SNTG1: variants seen among roughly 807,000 people sequenced by gnomAD.
SNTG1 encodes the protein syntrophin gamma 1.
In SNTG1, 39 loss-of-function variants were observed where a neutral mutation model predicts 74.7. The ratio of observed to expected loss-of-function variants is 0.52; its 90% CI spans 0.40 to 0.68. The LOEUF is 0.68. SNTG1 is among the 30% of genes least tolerant of loss of function. SNTG1 has a pLI of 0.00. For synonymous variants in SNTG1, 254 were observed against 217.1 expected, an observed-to-expected ratio of 1.17 and a Z score of -1.49; for missense variants, 685 against 609.5, an observed-to-expected ratio of 1.12 and a Z score of -1.30.
intron 1 of SNTG1, among the ~76,000 whole-genome samples, chr8:50,059,285 T>C (rs916920990): frequency 1.3e-5 from 2 of 152,136 alleles, no homozygotes; most frequent in South Asian, 2.1e-4. Flanking sequence ...CCAGATTGCA[T>C]AGCAGTTGCA....
intron 8 of SNTG1, among the ~76,000 whole-genome samples, chr8:50,487,699 G>C (rs535656017): frequency 8.9e-5 from 12 of 135,486 alleles, no homozygotes; most frequent in Middle Eastern, 4.5e-3. Context: ...GGGTCGGAGG[G>C]GGGGGAGGGA....
At chr8:49,961,442 C>T (rs1447570470) in intron 1 of SNTG1, among the ~76,000 whole-genome samples, 1 of 152,190 alleles carries the variant, frequency 6.6e-6, no homozygotes, top group South Asian at 2.1e-4. Context: ...GTTGGAGCCA[C>T]TTGCTATTCC....
intron 17 of SNTG1, among the ~76,000 whole-genome samples, chr8:50,725,117 T>C (rs2095496907): frequency 1.3e-5 from 2 of 152,174 alleles, no homozygotes; most frequent in South Asian, 2.1e-4. Context: ...TAAAAAGTTA[T>C]GCATAAAGAA....
chr8:49,935,227 G>GTT (rs1807953560), intron 1 of SNTG1, among the ~76,000 whole-genome samples: 1 of 150,636 alleles, frequency 6.6e-6, no homozygotes, highest in African/African-American at 2.4e-5. Context: ...GTGTGTGTGT[G>GTT]TGTGTGTGTG....
At chr8:50,267,347 G>A (rs1472910851) in intron 2 of SNTG1, among the ~76,000 whole-genome samples, 1 of 152,128 alleles carries the variant, frequency 6.6e-6, no homozygotes. Context: ...ATAAGTGGGT[G>A]AAGCATTTGA....
In SNTG1 at chr8:50,129,648, A is replaced by C. The variant is rs2081256414; in HGVS notation, c.-102-42913A>C. On this transcript the variant is annotated intron_variant, in intron 1 of 18. Coordinates refer to ENST00000642720, the MANE Select transcript of SNTG1 (RefSeq NM_018967.5). ...GAAACTTCTCCCAATTGTGTTATGG[A>C]GAAACCATCCTCATATCACACATTA... 3.3e-5 allele frequency among the ~76,000 whole-genome samples: 5 copies of C among 152,244 alleles called. No individual in the cohort carries two copies. In the South Asian group the frequency reaches 1.0e-3, roughly 32 times the overall value.
Position 50,519,372 on chromosome 8 carries a change from C to G in SNTG1, c.467-10805C>G, listed in dbSNP as rs181213493. 1.5e-3 allele frequency among the ~76,000 whole-genome samples: 234 copies of G among 152,278 alleles called. 1 individual carries two copies. Among genetic ancestry groups the G allele is most frequent in the African/African-American group, 5.4e-3 (225 of 41,542 alleles). ...ATACTGAATGGGCAAAAGCTGGAAG[C>G]ATTCCCTTTGAAAACCAGCACAAGA... On this transcript the variant is annotated intron_variant, in intron 9 of 18. Transcript: ENST00000642720.
At chr8:50,102,918 T>C (rs1339220677) in intron 1 of SNTG1, among the ~76,000 whole-genome samples, 21 of 150,986 alleles carry the variant, frequency 1.4e-4, no homozygotes, top group African/African-American at 3.2e-4. Context: ...CATTGATCTA[T>C]ATCTTTGTTT....
At chr8:50,182,421 G>T (rs952767855) in intron 2 of SNTG1, among the ~76,000 whole-genome samples, 1 of 151,970 alleles carries the variant, frequency 6.6e-6, no homozygotes, top group Non-Finnish European at 1.5e-5. Flanking sequence ...ATATTGCAGG[G>T]TATAAACACT....
intron 11 of SNTG1, among the ~76,000 whole-genome samples, chr8:50,543,007 T>C (rs1345963503): frequency 6.6e-6 from 1 of 152,232 alleles, no homozygotes; most frequent in African/African-American, 2.4e-5. Flanking sequence ...GATGGGTCAT[T>C]TGAAAATATT....
chr8:50,762,543 T>A, intron 18 of SNTG1: 2 of 378,844 alleles, frequency 5.3e-6, no homozygotes, highest in Non-Finnish European at 1.0e-5. Context: ...ACCTTCTTAA[T>A]GCAGGCAAAG....
intron 13 of SNTG1, among the ~76,000 whole-genome samples, chr8:50,612,478 C>A (rs1352616816): frequency 2.0e-5 from 3 of 152,120 alleles, no homozygotes; most frequent in Non-Finnish European, 2.9e-5. Context: ...CAGCTATTCT[C>A]CTTTGTCACT....
intron 2 of SNTG1, among the ~76,000 whole-genome samples, chr8:50,268,091 T>A (rs1440602887): frequency 6.6e-6 from 1 of 152,196 alleles, no homozygotes; most frequent in Non-Finnish European, 1.5e-5. Flanking sequence ...CCACATAAAT[T>A]GATTTGCATT....
intron 1 of SNTG1, among the ~76,000 whole-genome samples, chr8:50,109,442 TA>T (rs1273435737): frequency 1.3e-5 from 2 of 152,048 alleles, no homozygotes; most frequent in African/African-American, 4.8e-5. Context: ...ATGGAGAGTA[TA>T]AAACATGGAG....
At chr8:50,406,636 T>C (rs1036155485) in intron 4 of SNTG1, among the ~76,000 whole-genome samples, 1 of 152,138 alleles carries the variant, frequency 6.6e-6, no homozygotes, top group Admixed American at 6.5e-5. Context: ...AAAAGCTTCA[T>C]TTTTGAGTAT....
chr8:50,219,923 T>C (rs7002835), intron 2 of SNTG1, among the ~76,000 whole-genome samples: 65,183 of 151,756 alleles, frequency 0.43, 17,700 homozygotes, highest in African/African-American at 0.78. Context: ...GACCAAAAGC[T>C]TTTCTTGAGA....
intron 1 of SNTG1, among the ~76,000 whole-genome samples, chr8:50,020,011 A>C (rs769937920): frequency 2.0e-5 from 3 of 152,096 alleles, no homozygotes; most frequent in Non-Finnish European, 4.4e-5. Context: ...ATCCATGACC[A>C]CTTCTATTGT....
intron 1 of SNTG1, among the ~76,000 whole-genome samples, chr8:50,165,070 A>T (rs1394575480): frequency 2.0e-5 from 3 of 152,122 alleles, no homozygotes; most frequent in African/African-American, 7.2e-5. Context: ...CACACAAAAA[A>T]TGTTGAATTA....
intron 16 of SNTG1, among the ~76,000 whole-genome samples, chr8:50,706,866 A>G (rs1462265297): frequency 6.6e-6 from 1 of 151,992 alleles, no homozygotes; most frequent in East Asian, 1.9e-4. Flanking sequence ...TAAAGAAGGA[A>G]TATAAGTTCT....
Sources: allele counts gnomAD v4.1 joint callset (sites outside exome capture counted in the v4.1 genomes callset), GRCh38; gene constraint gnomAD v4.1.1; transcripts MANE v1.5; gene names NCBI Gene and HGNC (gene_info 2026-07-23, HGNC 2026-07-21).